The following UBR4 variants were observed in gnomAD, a reference collection of about 807,000 sequenced individuals.
UBR4 encodes the protein ubiquitin protein ligase E3 component n-recognin 4.
In UBR4, 124 loss-of-function variants were observed where a neutral mutation model predicts 575.6. The observed-to-expected ratio is 0.22, with a 90% CI of 0.19 to 0.25. The LOEUF is 0.25. UBR4 is among the 10% of genes least tolerant of loss of function. UBR4 has a pLI of 1.00. For missense variants in UBR4, 4,818 were observed against 6,478.8 expected, an observed-to-expected ratio of 0.74 and a Z score of 8.80; for synonymous variants, 2,455 against 2,473.7, an observed-to-expected ratio of 0.99 and a Z score of 0.22.
rs1161764677 is a variant in UBR4 at position 19,117,140 on chromosome 1, C to G, written c.10823+81G>C. ...AGGCCTCTAGGGATGTGCTGCCTTA[C>G]TCCATTCCAGGAACCGAAGGCAGCA... On this transcript the variant is annotated intron_variant, in intron 73 of 105. Coordinates refer to ENST00000375254, the MANE Select transcript of UBR4 (RefSeq NM_020765.3). This position sits in a 1 kb window ranked among gnomAD's most constrained non-coding sequence, Gnocchi z 4.0. 4 of 1,513,554 alleles carry G rather than the reference C, an allele frequency of 2.6e-6. No homozygotes were observed. Among genetic ancestry groups the G allele is most frequent in the Admixed American group, 1.7e-5 (1 of 57,856 alleles). The allele number at this position is 1,513,554 out of a possible 1,614,324, so 93.8% of individuals were successfully genotyped here.
intron 77 of UBR4, 119 bp from the exon 78 acceptor site, chr1:19,112,986 T>A: frequency 4.9e-6 from 5 of 1,020,938 alleles, no homozygotes; most frequent in Non-Finnish European, 7.0e-6. Context: ...CTTAATCTTC[T>A]CAATAACCCA....
rs375938343 is a variant in UBR4, at chr1:19,088,749, G to A, written c.14430+10C>T. ...GGCAGAAATATGGGGACTCTAGGTG[G>A]TAGCTTTACCGTCATGCCCAGGGTG... On this transcript the variant is annotated intron_variant, in intron 98 of 105. Transcript: ENST00000375254. This position sits in a 1 kb window ranked among gnomAD's most constrained non-coding sequence, Gnocchi z 4.0. The A allele has an allele frequency of 1.9e-5, 31 of 1,612,412 alleles. No homozygotes were observed. The highest frequency in any genetic ancestry group is 2.3e-5 in the Non-Finnish European group (27 of 1,179,830).
rs2083584743 is a variant in UBR4 at position 19,139,454 on chromosome 1, AGTGAAGAAAACCCAGTTCACTGG to A, written c.8594-257_8594-235del. ...GCATTGCAAACAGTACTTAGACAGGAGTGAAGAAAACCCAGTTCACTGGGTATTTCCTTCACTGTTTTACATTA... is the reference window on the plus strand; with the variant it reads ...GCATTGCAAACAGTACTTAGACAGGAGTATTTCCTTCACTGTTTTACATTA... On this transcript the variant is annotated intron_variant, in intron 58 of 105. Transcript: ENST00000375254. This position sits in a 1 kb window ranked among gnomAD's most constrained non-coding sequence, Gnocchi z 4.2. Among the ~76,000 whole-genome samples the A allele has an allele frequency of 6.6e-6, 1 of 152,210 alleles. No homozygotes were observed. The highest frequency in any genetic ancestry group is 1.5e-5 in the Non-Finnish European group (1 of 68,044).
At position 19,148,164 on chromosome 1, in the gene UBR4, C is replaced by T. The variant is rs2085128625; in HGVS notation, c.7495-37G>A. 3 of 1,580,784 alleles carry T rather than the reference C, an allele frequency of 1.9e-6. No individual in the cohort carries two copies. In the South Asian group the frequency reaches 3.4e-5, roughly 18 times the overall value. Reference sequence around the variant, plus strand: ...GACAGCAGGGTTATCACTAACCCCACCAACTCAAGGCAGAATGAACTATCT... The same window carrying T: ...GACAGCAGGGTTATCACTAACCCCATCAACTCAAGGCAGAATGAACTATCT... On this transcript the variant is annotated intron_variant, in intron 50 of 105. Transcript: ENST00000375254.
At chr1:19,133,118 A>T (rs941113845) in intron 60 of UBR4, among the ~76,000 whole-genome samples, 18 of 152,180 alleles carry the variant, frequency 1.2e-4, no homozygotes, top group African/African-American at 4.3e-4. Context: ...TGACGCCAGA[A>T]TAATGTGAAT....
At position 19,088,969 on chromosome 1, in the gene UBR4, A is replaced by G; in HGVS notation, c.14220T>C (p.Ile4740=). 4 of 1,613,876 alleles carry G rather than the reference A, an allele frequency of 2.5e-6. No homozygotes were observed. Among genetic ancestry groups the G allele is most frequent in the Non-Finnish European group, 3.4e-6 (4 of 1,179,942 alleles). ...AIQHPGTQVL[I]GTDSIPNLHK... ...GCAGGTTCGGGATGGAATCAGTTCC[A>G]ATCAGAACCTGCCAGTAAGAGACCA... The change falls in exon 98 of 106, where the codon ATT becomes ATC. Residue 4740 remains isoleucine (I), a synonymous_variant. Transcript: ENST00000375254. The surrounding 1 kb of genome is among the most constrained non-coding windows in gnomAD (Gnocchi z 4.0).
In UBR4 at chr1:19,088,093, G is replaced by T. The variant is rs2077187492; in HGVS notation, c.14431-164C>A. ...TCTTCTAATAAGGATAAAGACCCAG[G>T]CCCTTCTGCTATTCTCTCTTCCTAC... On this transcript the variant is annotated intron_variant, in intron 98 of 105. Coordinates refer to ENST00000375254, the MANE Select transcript of UBR4 (RefSeq NM_020765.3). This position sits in a 1 kb window ranked among gnomAD's most constrained non-coding sequence, Gnocchi z 4.0. Among the ~76,000 whole-genome samples, 2 of 152,208 alleles carry T rather than the reference G, an allele frequency of 1.3e-5. No individual in the cohort carries two copies.
rs753675130 is a variant in UBR4, at chr1:19,154,980, G to A, written c.6396C>T (p.Phe2132=). ...GGGTTGTCCTGCTGATGGTGGCTGC[G>A]AATGATTTGCCTTGACAATAGCTGA... is the stretch of plus-strand genomic sequence containing the variant. ...LFFSYCQGKS[F]AATISRTTLE... The change falls in exon 44 of 106, where the codon TTC becomes TTT. Residue 2132 remains phenylalanine, a synonymous_variant. Transcript: ENST00000375254. 13 of 1,614,122 alleles carry A rather than the reference G, an allele frequency of 8.1e-6. No homozygotes were observed. The highest frequency in any genetic ancestry group is 1.6e-4 in the Middle Eastern group (1 of 6,062).
intron 87 of UBR4, among the ~76,000 whole-genome samples, chr1:19,103,619 C>T (rs151265505): frequency 6.6e-6 from 1 of 152,236 alleles, no homozygotes; most frequent in East Asian, 1.9e-4. Context: ...AAGAATTCAA[C>T]AGGTAGATTA....
intron 78 of UBR4, chr1:19,112,252 C>T (rs1459683429): frequency 2.5e-5 from 10 of 401,336 alleles, no homozygotes; most frequent in African/African-American, 1.6e-4. Context: ...CTTCCCTTCC[C>T]TCACAAGGCC....
chr1:19,110,405 G>A lies in UBR4; in HGVS notation c.11952C>T (p.Ser3984=). 1 of 1,614,202 alleles carries A rather than the reference G, an allele frequency of 6.2e-7. No individual in the cohort carries two copies. The highest frequency in any genetic ancestry group is 8.5e-7 in the Non-Finnish European group (1 of 1,180,022). Residue 3984 remains serine, a synonymous_variant, in exon 80 of 106, where the codon AGC becomes AGT. Coordinates refer to ENST00000375254, the MANE Select transcript of UBR4 (RefSeq NM_020765.3). The surrounding 1 kb of genome is among the most constrained non-coding windows in gnomAD (Gnocchi z 4.5). ...LLTDSISKED[S]CWELRLRCAL... ...CACAGCGTAACCGGAGCTCCCAGCA[G>A]CTGTCCTCCTTGGAGATAGAATCCG...
At position 19,100,316 on chromosome 1, in the gene UBR4, G is replaced by A. The variant is rs2078498481; in HGVS notation, c.13221+60C>T. ...TACTAGGAAGAAGCACCTGGATTTG[G>A]TTAGCCTAGGAGGAAGCCCCTAATC... On this transcript the variant is annotated intron_variant, in intron 89 of 105. Transcript: ENST00000375254. This position sits in a 1 kb window ranked among gnomAD's most constrained non-coding sequence, Gnocchi z 4.2. 2.5e-6 allele frequency: 4 copies of A among 1,586,896 alleles called. No homozygotes were observed. The Admixed American group carries it at 6.7e-5, about 27-fold the overall frequency.
chr1:19,191,842 G>T (rs1032666720), intron 11 of UBR4, among the ~76,000 whole-genome samples: 3 of 152,140 alleles, frequency 2.0e-5, no homozygotes, highest in Non-Finnish European at 4.4e-5. Context: ...TCATCTTACA[G>T]GTTATACACG....
At chr1:19,191,516 G>A (rs1053826637) in intron 11 of UBR4, among the ~76,000 whole-genome samples, 83 of 152,064 alleles carry the variant, frequency 5.5e-4, no homozygotes, top group African/African-American at 2.0e-3. Flanking sequence ...CCGGCCCCTC[G>A]CTCTGACATC....
chr1:19,106,817 T>C lies in UBR4; in HGVS notation c.12235+20A>G. Reference sequence around the variant, plus strand: ...AGAGCGCAGGCAGGACTTCCCGGCGTCTTGAAGAGAAAGATATACCTCTGA... The same window carrying C: ...AGAGCGCAGGCAGGACTTCCCGGCGCCTTGAAGAGAAAGATATACCTCTGA... On this transcript the variant is annotated intron_variant, in intron 82 of 105. Coordinates refer to ENST00000375254, the MANE Select transcript of UBR4 (RefSeq NM_020765.3). 3.1e-6 allele frequency: 5 copies of C among 1,610,276 alleles called. No homozygotes were observed. Among genetic ancestry groups the C allele is most frequent in the Non-Finnish European group, 4.2e-6 (5 of 1,176,802 alleles).
At position 19,164,234 on chromosome 1, in the gene UBR4, T is replaced by C; in HGVS notation, c.4700+19A>G. On this transcript the variant is annotated intron_variant, in intron 33 of 105. Coordinates refer to ENST00000375254, the MANE Select transcript of UBR4 (RefSeq NM_020765.3). ...CAAGATCAATGTTGTAACCTACAGA[T>C]ACAACTTCATCATCTTACCATCTGC... 1.2e-6 allele frequency: 2 copies of C among 1,606,170 alleles called. No homozygotes were observed. The highest frequency in any genetic ancestry group is 1.7e-6 in the Non-Finnish European group (2 of 1,174,272).
rs1197910107 is a variant in UBR4, at chr1:19,179,095, A to G, written c.2310T>C (p.Ala770=). The change falls in exon 18 of 106, where the codon GCT becomes GCC. Residue 770 remains alanine (A), a synonymous_variant. Coordinates refer to ENST00000375254, the MANE Select transcript of UBR4 (RefSeq NM_020765.3). The part of the protein sequence containing the change: ...LLLIWQHKAS[A]QGDPDVPECL... Reference sequence around the variant, plus strand: ...ATTCTGGGACGTCAGGGTCACCTTGAGCACTGGCTTTATGTTGCCAGATGA... The same window carrying G: ...ATTCTGGGACGTCAGGGTCACCTTGGGCACTGGCTTTATGTTGCCAGATGA... The G allele has an allele frequency of 6.2e-7, 1 of 1,614,042 alleles. No individual in the cohort carries two copies. The highest frequency in any genetic ancestry group is 8.5e-7 in the Non-Finnish European group (1 of 1,179,988).
At chr1:19,184,305 C>A in intron 15 of UBR4, 130 bp from the exon 16 acceptor site, 1 of 1,033,020 alleles carries the variant, frequency 9.7e-7, no homozygotes. Context: ...ATGAAAGAAT[C>A]AGATTTTAAA....
chr1:19,175,165 A>G (rs1016265358), intron 20 of UBR4, 132 bp from the exon 21 acceptor site: 21 of 854,532 alleles, frequency 2.5e-5, no homozygotes, highest in Admixed American at 1.9e-4. Flanking sequence ...CTGGAGCCAG[A>G]TAAGTGTTTG....
Sources: gnomAD v4.1 joint callset for allele counts (sites outside exome capture counted in the v4.1 genomes callset) on GRCh38, gnomAD v4.1.1 for gene constraint, Gnocchi (gnomAD v3.1) non-coding constraint, MANE v1.5 for transcripts, NCBI Gene and HGNC (gene_info 2026-07-23, HGNC 2026-07-21) for gene names.